The following ADRA1B variants were observed in gnomAD, a reference collection of about 807,000 sequenced individuals.
The protein encoded by ADRA1B is alpha-1B adrenergic receptor.
A neutral mutation model predicts 17.9 loss-of-function variants in ADRA1B; 17 were observed. The observed-to-expected ratio is 0.95, with a 90% confidence interval of 0.65 to 1.42. The LOEUF is 1.42. Ranked by LOEUF, ADRA1B falls within the 40% of genes most tolerant of loss-of-function variation. ADRA1B has a pLI of 0.00. For missense variants in ADRA1B, 681 were observed against 722.1 expected (o/e 0.94, Z 0.65); for synonymous variants, 366 against 327.6 (o/e 1.12, Z -1.27).
At chr5:159,894,074 G>A (rs980018385) in intron 1 of ADRA1B, among the ~76,000 whole-genome samples, 4 of 152,214 alleles carry the variant, frequency 2.6e-5, no homozygotes, top group African/African-American at 9.6e-5. Flanking sequence ...AAGGGGCCAG[G>A]TGGTCAACAG....
chr5:159,983,841 G>A, the ADRA1B span, among the ~76,000 whole-genome samples: 64 of 151,888 alleles, frequency 4.2e-4, no homozygotes, highest in South Asian at 3.5e-3. Flanking sequence ...AACTACTCTG[G>A]TATTTCCCCT....
intron 1 of ADRA1B, among the ~76,000 whole-genome samples, chr5:159,894,307 C>T (rs374309738): frequency 2.0e-5 from 3 of 152,342 alleles, no homozygotes; most frequent in Admixed American, 2.0e-4. Context: ...AGTCTGCAAT[C>T]CTTTAACTAA....
chr5:159,945,358 TAATA>T (rs903577189), intron 1 of ADRA1B, among the ~76,000 whole-genome samples: 3 of 151,868 alleles, frequency 2.0e-5, no homozygotes, highest in East Asian at 1.9e-4. Flanking sequence ...TCTAAAAAAT[TAATA>T]AATAAATAAA....
At chr5:159,866,012 G>A (rs1184858362) in intron 1 of ADRA1B, among the ~76,000 whole-genome samples, 1 of 152,110 alleles carries the variant, frequency 6.6e-6, no homozygotes, top group Non-Finnish European at 1.5e-5. Context: ...AGGAGAGTTG[G>A]GTGTTCATTC....
At chr5:159,932,217 A>G (rs1754828994) in intron 1 of ADRA1B, among the ~76,000 whole-genome samples, 1 of 152,026 alleles carries the variant, frequency 6.6e-6, no homozygotes, top group South Asian at 2.1e-4. Flanking sequence ...GCAGTGGCAC[A>G]ATCATAGCTC....
intron 1 of ADRA1B, among the ~76,000 whole-genome samples, chr5:159,881,960 G>T (rs1301193980): frequency 6.6e-6 from 1 of 152,108 alleles, no homozygotes; most frequent in Non-Finnish European, 1.5e-5. Flanking sequence ...TTTGCAGAAG[G>T]ACATTGCACT....
At chr5:159,986,676 G>T in the ADRA1B span, among the ~76,000 whole-genome samples, 634 of 152,314 alleles carry the variant, frequency 4.2e-3, 4 homozygotes, top group African/African-American at 0.015. Context: ...GCGTTTTAAA[G>T]AAATGATACA....
chr5:159,886,689 G>T (rs528376384), intron 1 of ADRA1B, among the ~76,000 whole-genome samples: 9 of 152,122 alleles, frequency 5.9e-5, no homozygotes, highest in African/African-American at 1.9e-4. Context: ...ATGTCATCAC[G>T]CTAATATAAC....
Position 159,917,146 on chromosome 5 carries a change from A to T in ADRA1B, c.241A>T (p.Asn81Tyr). The change falls in exon 1 of 2, where the codon AAC (asparagine) becomes TAC (tyrosine). Residue 81 changes from asparagine to tyrosine, a missense_variant. Around this residue, in one of 3 missense-constraint regions of ADRA1B, gnomAD observed 424 missense variants for 480.2 expected, o/e 0.88. Transcript: ENST00000306675. The stretch of plus-strand genomic sequence containing the variant: ...CAACCGGCACCTGCGGACGCCCACC[A>T]ACTACTTCATTGTCAACCTGGCCAT... ...ACNRHLRTPT[N>Y]YFIVNLAMAD... is the part of the protein sequence containing the mutation. 1 of 1,614,074 alleles carries T rather than the reference A, an allele frequency of 6.2e-7. No homozygotes were observed. The highest frequency in any genetic ancestry group is 8.5e-7 in the Non-Finnish European group (1 of 1,180,002).
intron 1 of ADRA1B, chr5:159,950,611 G>T: frequency 1.1e-6 from 1 of 929,336 alleles, no homozygotes; most frequent in Non-Finnish European, 1.8e-6. Context: ...GCCGGCCCCA[G>T]CATCAAAGGT....
At chr5:159,866,783 G>C (rs1263636769) in intron 1 of ADRA1B, 1 of 151,966 alleles carries the variant, frequency 6.6e-6, no homozygotes, top group Non-Finnish European at 1.5e-5. Flanking sequence ...GGTCTCCAAA[G>C]TCTAAGTTCA....
At chr5:159,955,322 G>A (rs1340353223) in intron 1 of ADRA1B, 4 of 353,808 alleles carry the variant, frequency 1.1e-5, no homozygotes, top group African/African-American at 6.7e-5. Flanking sequence ...CCATCCAGGG[G>A]TCCAGACATA....
At chr5:159,982,143 G>C in the ADRA1B span, among the ~76,000 whole-genome samples, 1 of 152,222 alleles carries the variant, frequency 6.6e-6, no homozygotes, top group Non-Finnish European at 1.5e-5. Flanking sequence ...AGCCTCAACT[G>C]TCAGACATGT....
chr5:159,911,894 C>A (rs1011332423), upstream of ADRA1B, among the ~76,000 whole-genome samples: 1 of 152,148 alleles, frequency 6.6e-6, no homozygotes, highest in Admixed American at 6.5e-5. Context: ...TGTGTTTAGC[C>A]TCATTTACTG....
At chr5:159,886,500 T>C (rs773610025) in intron 1 of ADRA1B, among the ~76,000 whole-genome samples, 1 of 152,138 alleles carries the variant, frequency 6.6e-6, no homozygotes, top group African/African-American at 2.4e-5. Context: ...GATTTCATCT[T>C]GATTCAGTGA....
At chr5:159,950,911 G>A (rs745348797) in intron 1 of ADRA1B, 27 of 564,884 alleles carry the variant, frequency 4.8e-5, no homozygotes, top group South Asian at 1.2e-4. Context: ...CGCAGCCGTC[G>A]CACCACAGTT....
intron 1 of ADRA1B, among the ~76,000 whole-genome samples, chr5:159,891,133 C>T (rs928952500): frequency 6.6e-6 from 1 of 152,226 alleles, no homozygotes; most frequent in East Asian, 1.9e-4. Flanking sequence ...TGAAGAAAAA[C>T]AAATAAACAA....
chr5:159,906,884 T>C (rs1308509621), intron 1 of ADRA1B, among the ~76,000 whole-genome samples: 1 of 152,212 alleles, frequency 6.6e-6, no homozygotes, highest in Non-Finnish European at 1.5e-5. Context: ...CCCTGGGATT[T>C]AATTGAAAAT....
rs959997577 is a variant in ADRA1B, at chr5:159,933,544, G to A, written c.949+15690G>A. Among the ~76,000 whole-genome samples, 4 of 152,358 alleles carry A rather than the reference G, an allele frequency of 2.6e-5. No homozygotes were observed. In the East Asian group the frequency reaches 7.7e-4, roughly 29 times the overall value. On this transcript the variant is annotated intron_variant, in intron 1 of 1. Coordinates refer to ENST00000306675, the MANE Select transcript of ADRA1B (RefSeq NM_000679.4). ...TGACTTCCTCCTGAGGTGATAAGAT[G>A]TCTTGAAAGCTTCAAATCCTTGCAG... is the stretch of plus-strand genomic sequence containing the variant.
Sources: allele counts gnomAD v4.1 joint callset (sites outside exome capture counted in the v4.1 genomes callset), GRCh38; gene constraint gnomAD v4.1.1; regional missense constraint gnomAD v4.1.1; transcripts MANE v1.5; gene names NCBI Gene and HGNC (gene_info 2026-07-23, HGNC 2026-07-21).